The following XKR9 variants were observed in gnomAD, a reference collection of about 807,000 sequenced individuals.
XKR9 encodes XK related 9.
A neutral mutation model predicts 32.0 loss-of-function variants in XKR9; 32 were observed. The ratio of observed to expected loss-of-function variants is 1.00; its 90% CI spans 0.76 to 1.34. The LOEUF (loss-of-function observed/expected upper bound fraction) is 1.34, where lower values mean the gene tolerates loss of function less well. Among genes scored for constraint, XKR9 ranks in the 40% most tolerant of loss-of-function variants. The pLI, the probability that XKR9 is intolerant of heterozygous loss-of-function variation, is 0.00. For synonymous variants in XKR9, 168 were observed against 143.4 expected, an observed-to-expected ratio of 1.17 and a Z score of -1.22; for missense variants, 546 against 429.7, an observed-to-expected ratio of 1.27 and a Z score of -2.39.
chr8:70,873,215 A>T, the XKR9 span, among the ~76,000 whole-genome samples: 1 of 152,194 alleles, frequency 6.6e-6, no homozygotes, highest in South Asian at 2.1e-4. Flanking sequence ...GCTCTGATGG[A>T]GATGTACAGG....
At chr8:70,694,954 G>A (rs987707271) in intron 3 of XKR9, among the ~76,000 whole-genome samples, 11 of 152,260 alleles carry the variant, frequency 7.2e-5, no homozygotes, top group South Asian at 2.1e-4. Context: ...CTGTCAGACT[G>A]AAGACCGAAG....
intron 3 of XKR9, among the ~76,000 whole-genome samples, chr8:70,683,167 A>G (rs1042870881): frequency 2.6e-5 from 4 of 152,210 alleles, no homozygotes; most frequent in African/African-American, 9.6e-5. Context: ...GTCTATTCCA[A>G]TATGCTGGAT....
chr8:70,823,697 G>GA, the XKR9 span, among the ~76,000 whole-genome samples: 2 of 152,160 alleles, frequency 1.3e-5, no homozygotes, highest in Admixed American at 6.5e-5. Flanking sequence ...TAATGGATTT[G>GA]ATTTTTTTGA....
the XKR9 span, among the ~76,000 whole-genome samples, chr8:71,052,132 G>A: frequency 6.6e-6 from 1 of 152,344 alleles, no homozygotes; most frequent in South Asian, 2.1e-4. Context: ...GCTCAGGGAA[G>A]AAAGCTTGCG....
intron 2 of XKR9, among the ~76,000 whole-genome samples, chr8:70,787,355 C>G (rs1362614709): frequency 6.6e-6 from 1 of 152,038 alleles, no homozygotes; most frequent in East Asian, 1.9e-4. Context: ...TTGTTTTTCT[C>G]AAAAGACCAC....
chr8:70,725,732 CCT>C (rs1372640697), intron 4 of XKR9, among the ~76,000 whole-genome samples: 1 of 152,026 alleles, frequency 6.6e-6, no homozygotes, highest in East Asian at 1.9e-4. Flanking sequence ...ATTGTGAAAC[CCT>C]GTCTCTACTA....
chr8:70,965,726 T>C, the XKR9 span, among the ~76,000 whole-genome samples: 1 of 152,246 alleles, frequency 6.6e-6, no homozygotes, highest in Non-Finnish European at 1.5e-5. Flanking sequence ...CTAGGTTTTC[T>C]AGTTTATGTG....
the XKR9 span, among the ~76,000 whole-genome samples, chr8:70,917,004 T>C: frequency 2.0e-5 from 3 of 152,188 alleles, no homozygotes; most frequent in Non-Finnish European, 4.4e-5. Context: ...TGTTCCTTTT[T>C]ATATGTTGCT....
the XKR9 span, among the ~76,000 whole-genome samples, chr8:71,017,363 G>T: frequency 6.6e-6 from 1 of 152,158 alleles, no homozygotes; most frequent in African/African-American, 2.4e-5. Flanking sequence ...TTGCTATGAC[G>T]TTCTGCTTAT....
chr8:70,962,609 T>C, the XKR9 span, among the ~76,000 whole-genome samples: 6 of 152,228 alleles, frequency 3.9e-5, no homozygotes, highest in Non-Finnish European at 5.9e-5. Context: ...GATCCACCAC[T>C]GATGGGCACC....
At chr8:71,008,774 T>C in the XKR9 span, among the ~76,000 whole-genome samples, 1 of 152,020 alleles carries the variant, frequency 6.6e-6, no homozygotes, top group African/African-American at 2.4e-5. Context: ...CTACACCAAG[T>C]ACTTCCTCCT....
the XKR9 span, among the ~76,000 whole-genome samples, chr8:71,027,790 G>GA: frequency 7.7e-6 from 1 of 129,820 alleles, no homozygotes; most frequent in Non-Finnish European, 1.7e-5. Context: ...GGGGGGGGGG[G>GA]GTCTCACTCC....
the XKR9 span, among the ~76,000 whole-genome samples, chr8:70,927,641 A>G: frequency 6.6e-6 from 1 of 152,134 alleles, no homozygotes; most frequent in Non-Finnish European, 1.5e-5. Flanking sequence ...TACCTCTTTT[A>G]TAAGGGCATT....
chr8:70,986,167 A>G, the XKR9 span, among the ~76,000 whole-genome samples: 2 of 152,242 alleles, frequency 1.3e-5, no homozygotes, highest in Admixed American at 1.3e-4. Flanking sequence ...TTTGGAGTTA[A>G]CAAAGTTAAA....
At chr8:70,689,048 A>G (rs1819417246) in intron 3 of XKR9, among the ~76,000 whole-genome samples, 1 of 152,198 alleles carries the variant, frequency 6.6e-6, no homozygotes. Flanking sequence ...CCCAACACAC[A>G]GAACAAAAGC....
At chr8:70,910,883 C>T in the XKR9 span, among the ~76,000 whole-genome samples, 9 of 152,352 alleles carry the variant, frequency 5.9e-5, no homozygotes, top group Non-Finnish European at 1.3e-4. Flanking sequence ...TGGCTGTCAG[C>T]TGAAGGCTGT....
downstream of XKR9, among the ~76,000 whole-genome samples, chr8:70,738,461 C>T (rs1485306544): frequency 1.3e-5 from 2 of 149,092 alleles, no homozygotes; most frequent in African/African-American, 4.9e-5. Flanking sequence ...TTTTGTGTCT[C>T]TATTTCCTTC....
downstream of XKR9, among the ~76,000 whole-genome samples, chr8:70,793,481 A>T (rs2058672910): frequency 6.6e-6 from 1 of 152,062 alleles, no homozygotes; most frequent in South Asian, 2.1e-4. Context: ...CCATCTTGGC[A>T]CTCTGCAGAG....
the XKR9 span, among the ~76,000 whole-genome samples, chr8:70,879,723 C>A: frequency 1.3e-5 from 2 of 151,504 alleles, no homozygotes; most frequent in Non-Finnish European, 3.0e-5. Flanking sequence ...CTGAATTCTA[C>A]CAGAGGTGCA....
Sources: allele counts gnomAD v4.1 joint callset (sites outside exome capture counted in the v4.1 genomes callset), GRCh38; gene constraint gnomAD v4.1.1; transcripts MANE v1.5; gene names NCBI Gene and HGNC (gene_info 2026-07-23, HGNC 2026-07-21).